NRXN1: variants seen among roughly 807,000 people sequenced by gnomAD.
NRXN1 encodes the protein neurexin-1.
In NRXN1, 39 loss-of-function variants were observed where a neutral mutation model predicts 150.9. That is an observed-to-expected ratio of 0.26 (90% CI 0.20 to 0.34). NRXN1 has a LOEUF of 0.34. NRXN1 is among the 10% of genes least tolerant of loss of function. The probability of loss-of-function intolerance (pLI) is 1.00; values close to 1 mark genes in which losing one functional copy is unlikely to be tolerated. For missense variants in NRXN1, 1,815 were observed against 1,949.9 expected (o/e 0.93, Z 1.30); for synonymous variants, 924 against 757.0 (o/e 1.22, Z -3.62).
Position 50,531,234 on chromosome 2 carries a change from G to A in NRXN1, c.2340C>T (p.Val780=). 1 of 1,612,358 alleles carries A rather than the reference G, an allele frequency of 6.2e-7. No individual in the cohort carries two copies. The highest frequency in any genetic ancestry group is 1.1e-5 in the South Asian group (1 of 90,816). ...ELDAGRVKLT[V]NLDCIRINCN... ...GGGAAGGCAGGTTGTTACCTAGATT[G>A]ACCGTCAGTTTCACACGTCCTGCGT... The change falls in exon 11 of 23, where the codon GTC becomes GTT. Residue 780 remains valine (V), a synonymous_variant. Transcript: ENST00000401669.
At chr2:50,850,547 G>A (rs983709818) in intron 5 of NRXN1, among the ~76,000 whole-genome samples, 3 of 152,138 alleles carry the variant, frequency 2.0e-5, no homozygotes, top group African/African-American at 2.4e-5. Context: ...CCAGCACCAC[G>A]CTATCAAATT....
intron 5 of NRXN1, among the ~76,000 whole-genome samples, chr2:50,790,535 T>G (rs2105596285): frequency 6.6e-6 from 1 of 152,196 alleles, no homozygotes; most frequent in Non-Finnish European, 1.5e-5. Flanking sequence ...GCAGGAGAAT[T>G]GCTTGAACCT....
intron 2 of NRXN1, among the ~76,000 whole-genome samples, chr2:50,933,571 C>A (rs1688091409): frequency 6.6e-6 from 1 of 151,980 alleles, no homozygotes; most frequent in Admixed American, 6.6e-5. Flanking sequence ...ACAACCAATT[C>A]TATACTTTTG....
chr2:50,730,127 A>G (rs1185681193), intron 5 of NRXN1, among the ~76,000 whole-genome samples: 1 of 152,134 alleles, frequency 6.6e-6, no homozygotes, highest in African/African-American at 2.4e-5. Context: ...ATTGAAGAAG[A>G]GTTTTTTTTC....
At chr2:50,290,318 A>T (rs567023206) in intron 17 of NRXN1, among the ~76,000 whole-genome samples, 1 of 152,196 alleles carries the variant, frequency 6.6e-6, no homozygotes, top group African/African-American at 2.4e-5. Context: ...CTGCTAAACA[A>T]AAGCAATTTA....
chr2:50,281,181 G>C (rs887692108), intron 17 of NRXN1, among the ~76,000 whole-genome samples: 3 of 151,180 alleles, frequency 2.0e-5, no homozygotes, highest in Admixed American at 2.0e-4. Flanking sequence ...AGCTGGGCAT[G>C]GTGGCGGCGC....
rs1669131201 is a variant in NRXN1, at chr2:49,926,494, G to A, written c.4217-4243C>T. On this transcript the variant is annotated intron_variant, in intron 22 of 22. Coordinates refer to ENST00000401669, the MANE Select transcript of NRXN1 (RefSeq NM_001330078.2). Reference sequence around the variant, plus strand: ...GAGCTATCAAATGTTTGGACAGTTAGTAACCTATTTCTGCACTATGCTCTA... The same window carrying A: ...GAGCTATCAAATGTTTGGACAGTTAATAACCTATTTCTGCACTATGCTCTA... The A allele has an allele frequency of 1.0e-5, 4 of 396,266 alleles. No individual in the cohort carries two copies. In the East Asian group the frequency reaches 1.4e-4, roughly 14 times the overall value. The allele number at this position is 396,266 out of a possible 1,614,324, so 24.5% of individuals were successfully genotyped here. A position where few individuals can be genotyped will look rare whatever the true frequency, so the allele number is the denominator to read the frequency against.
At chr2:49,966,918 GGT>G (rs1677065752) in intron 21 of NRXN1, among the ~76,000 whole-genome samples, 1 of 151,998 alleles carries the variant, frequency 6.6e-6, no homozygotes, top group African/African-American at 2.4e-5. Flanking sequence ...AGAAAAAGCA[GGT>G]ACAAACAAAG....
intron 17 of NRXN1, among the ~76,000 whole-genome samples, chr2:50,411,191 T>A (rs1318129362): frequency 1.3e-5 from 2 of 152,054 alleles, no homozygotes; most frequent in African/African-American, 4.8e-5. Flanking sequence ...CACGCCTGAC[T>A]GGTTTTCATA....
At chr2:51,018,560 C>A (rs977152005) in intron 2 of NRXN1, among the ~76,000 whole-genome samples, 1 of 152,110 alleles carries the variant, frequency 6.6e-6, no homozygotes, top group Non-Finnish European at 1.5e-5. Context: ...GGAAGCCAAA[C>A]ACGCTTAGCC....
chr2:50,019,721 C>T lies in NRXN1; in HGVS notation c.4128+33550G>A, dbSNP rs10188750. 1.9e-4 allele frequency among the ~76,000 whole-genome samples: 27 copies of T among 144,152 alleles called. 1 individual carries two copies. The highest frequency in any genetic ancestry group is 3.6e-4 in the Non-Finnish European group (24 of 66,562). The allele number at this position is 144,152 out of a possible 152,430, so 94.6% of individuals were successfully genotyped here. A position where few individuals can be genotyped will look rare whatever the true frequency, so the allele number is the denominator to read the frequency against. On this transcript the variant is annotated intron_variant, in intron 21 of 22. Transcript: ENST00000401669. ...CAGCACTTTGGGAGGCCTAGGCGGGCGGATCACGACGTCAGGAGATCGAGA... is the reference window on the plus strand; with the variant it reads ...CAGCACTTTGGGAGGCCTAGGCGGGTGGATCACGACGTCAGGAGATCGAGA...
intron 17 of NRXN1, among the ~76,000 whole-genome samples, chr2:50,282,524 C>T (rs927696988): frequency 6.6e-6 from 1 of 151,996 alleles, no homozygotes; most frequent in African/African-American, 2.4e-5. Flanking sequence ...TCCACGGGAC[C>T]AACAGTGAAA....
intron 17 of NRXN1, among the ~76,000 whole-genome samples, chr2:50,400,071 G>A (rs4273255): frequency 6.6e-6 from 1 of 151,930 alleles, no homozygotes; most frequent in Non-Finnish European, 1.5e-5. Flanking sequence ...TGCACCCCAA[G>A]AAAGAATAGT....
At position 51,028,183 on chromosome 2, in the gene NRXN1, G is replaced by C; in HGVS notation, c.91C>G (p.Leu31Val). The C allele has an allele frequency of 6.6e-7, 1 of 1,507,260 alleles. No individual in the cohort carries two copies. The highest frequency in any genetic ancestry group is 8.8e-7 in the Non-Finnish European group (1 of 1,132,404). 93.4% of individuals were successfully genotyped at this position (1,507,260 alleles called of 1,614,324 possible). A position where few individuals can be genotyped will look rare whatever the true frequency, so the allele number is the denominator to read the frequency against. Residue 31 changes from leucine to valine, a missense_variant, in exon 2 of 23, where the codon CTG (leucine) becomes GTG (valine). Physicochemically the swap from Leu to Val is conservative, Grantham distance 32 (BLOSUM62 1). This residue lies in a region of NRXN1 where 554 missense variants were observed against 478.8 expected (regional missense o/e 1.16). Coordinates refer to ENST00000401669, the MANE Select transcript of NRXN1 (RefSeq NM_001330078.2). ...TGGCCCTCGGCGCCCGGAAACTCCA[G>C]CCCGCTGCCCAGCTCCGCCCAGCAG... ...LGCWAELGSGLEFPGAEGQWT... is the reference protein window; with the variant it reads ...LGCWAELGSGVEFPGAEGQWT...
At chr2:50,258,876 G>A (rs941905344) in intron 17 of NRXN1, among the ~76,000 whole-genome samples, 1 of 151,998 alleles carries the variant, frequency 6.6e-6, no homozygotes, top group Non-Finnish European at 1.5e-5. Flanking sequence ...CATTGTCAAT[G>A]AGCAGTAATA....
At chr2:50,157,528 A>G (rs1284938341) in intron 18 of NRXN1, among the ~76,000 whole-genome samples, 2 of 152,028 alleles carry the variant, frequency 1.3e-5, no homozygotes, top group African/African-American at 4.8e-5. Flanking sequence ...TTCACATAAT[A>G]TAGGACTTAC....
intron 2 of NRXN1, among the ~76,000 whole-genome samples, chr2:50,972,266 T>C (rs889790834): frequency 2.0e-5 from 3 of 152,100 alleles, no homozygotes; most frequent in African/African-American, 7.2e-5. Context: ...AAAGAGGCCA[T>C]GAAATTAAAT....
At chr2:50,069,146 A>G (rs1310874660) in intron 19 of NRXN1, among the ~76,000 whole-genome samples, 1 of 152,248 alleles carries the variant, frequency 6.6e-6, no homozygotes, top group Non-Finnish European at 1.5e-5. Flanking sequence ...TACTTTGGAT[A>G]GCAATGAAGT....
At chr2:50,540,524 T>C (rs1202876172) in intron 9 of NRXN1, among the ~76,000 whole-genome samples, 1 of 152,174 alleles carries the variant, frequency 6.6e-6, no homozygotes, top group African/African-American at 2.4e-5. Flanking sequence ...ATGGTCCCTA[T>C]CCTCTGCAGT....
Sources: gnomAD v4.1 joint callset for allele counts (sites outside exome capture counted in the v4.1 genomes callset) on GRCh38, gnomAD v4.1.1 for gene constraint, gnomAD v4.1.1 regional missense constraint, MANE v1.5 for transcripts, NCBI Gene and HGNC (gene_info 2026-07-23, HGNC 2026-07-21) for gene names.